DAB1: variants seen among roughly 807,000 people sequenced by gnomAD.
The protein encoded by DAB1 is disabled homolog 1.
In DAB1, 15 loss-of-function variants were observed where a neutral mutation model predicts 64.6. The observed-to-expected ratio is 0.23, with a 90% CI of 0.16 to 0.36. The LOEUF (loss-of-function observed/expected upper bound fraction) is 0.36. Among genes scored for constraint, DAB1 ranks in the 10% least tolerant of loss-of-function variants. The pLI is 1.00. For missense variants in DAB1, 596 were observed against 706.7 expected, an observed-to-expected ratio of 0.84 and a Z score of 1.78; for synonymous variants, 235 against 251.9, an observed-to-expected ratio of 0.93 and a Z score of 0.64.
chr1:58,389,332 G>A (rs1448877403), intron 3 of DAB1, among the ~76,000 whole-genome samples: 1 of 152,174 alleles, frequency 6.6e-6, no homozygotes, highest in Non-Finnish European at 1.5e-5. Flanking sequence ...CAACTACTCA[G>A]GAGACTGAGG....
intron 3 of DAB1, among the ~76,000 whole-genome samples, chr1:57,141,286 C>T (rs28612190): frequency 0.049 from 7,440 of 152,226 alleles, 660 homozygotes; most frequent in African/African-American, 0.17. Flanking sequence ...TCTCCTGAGC[C>T]TCCTTCTCCA....
chr1:57,287,895 A>C (rs975761662), intron 2 of DAB1, among the ~76,000 whole-genome samples: 1 of 152,004 alleles, frequency 6.6e-6, no homozygotes, highest in Non-Finnish European at 1.5e-5. Flanking sequence ...TCCCAGGTTC[A>C]AGCGATTCTC....
chr1:58,163,550 C>T lies in DAB1; in HGVS notation n.310-12962G>A, dbSNP rs141385292. ...CATTTATGTTTGAAAATCTGCTGAA[C>T]TTTGGGTCAGAACAGGGGGAATCTG... On this transcript the variant is annotated intron_variant and non_coding_transcript_variant, in intron 4 of 20. Coordinates refer to the DAB1 transcript ENST00000485760. 1.9e-3 allele frequency among the ~76,000 whole-genome samples: 286 copies of T among 152,278 alleles called. 1 individual carries two copies. The highest frequency in any genetic ancestry group is 3.4e-3 in the Non-Finnish European group (232 of 68,026).
intron 6 of DAB1, among the ~76,000 whole-genome samples, chr1:57,820,788 C>T (rs1374444118): frequency 6.6e-6 from 1 of 152,142 alleles, no homozygotes; most frequent in Non-Finnish European, 1.5e-5. Context: ...TAATTTCATC[C>T]TGGTTTAGTC....
intron 11 of DAB1, among the ~76,000 whole-genome samples, chr1:57,018,798 C>A (rs541510010): frequency 6.6e-6 from 1 of 152,202 alleles, no homozygotes. Context: ...CTTGGCTATG[C>A]GTCCTTGGGG....
At chr1:57,625,904 G>A (rs1030419836) in intron 7 of DAB1, among the ~76,000 whole-genome samples, 2 of 152,054 alleles carry the variant, frequency 1.3e-5, no homozygotes. Flanking sequence ...AAACAAAAAA[G>A]CTGGGTCGAA....
chr1:57,391,810 C>CAGAG (rs904474437), intron 1 of DAB1, among the ~76,000 whole-genome samples: 7 of 137,592 alleles, frequency 5.1e-5, no homozygotes, highest in Admixed American at 2.1e-4. Flanking sequence ...CACACACACA[C>CAGAG]ACAGAGAGAG....
chr1:57,340,068 A>T (rs577059633), intron 1 of DAB1, among the ~76,000 whole-genome samples: 1 of 152,312 alleles, frequency 6.6e-6, no homozygotes, highest in East Asian at 1.9e-4. Flanking sequence ...CAGGGAGCAG[A>T]AGCAAAATCT....
chr1:57,984,184 A>AAAGAAAG (rs1553150345), intron 5 of DAB1, among the ~76,000 whole-genome samples: 2 of 50,656 alleles, frequency 3.9e-5, no homozygotes, highest in African/African-American at 5.6e-5. Flanking sequence ...TAGCTTAAAA[A>AAAGAAAG]AAAGAAAGAA....
At chr1:57,728,445 T>A (rs1647274405) in intron 6 of DAB1, among the ~76,000 whole-genome samples, 1 of 151,944 alleles carries the variant, frequency 6.6e-6, no homozygotes, top group Admixed American at 6.6e-5. Context: ...TACAAAAAAA[T>A]TAGCCCAGCG....
chr1:57,025,964 G>C lies in DAB1; in HGVS notation c.786+17C>G. 6.4e-7 allele frequency: 1 copy of C among 1,562,164 alleles called. No homozygotes were observed. The highest frequency in any genetic ancestry group is 8.6e-7 in the Non-Finnish European group (1 of 1,157,286). On this transcript the variant is annotated intron_variant, in intron 10 of 14. Coordinates refer to ENST00000371236, the MANE Select transcript of DAB1 (RefSeq NM_001365792.1). ...AGGAATTCAGAGAGCAGGGTTCAGA[G>C]AGCAATGCATACTTACGGGGGGAGA... is the stretch of plus-strand genomic sequence containing the variant.
chr1:57,200,424 A>G (rs1487971704), intron 2 of DAB1, among the ~76,000 whole-genome samples: 1 of 152,222 alleles, frequency 6.6e-6, no homozygotes, highest in Non-Finnish European at 1.5e-5. Flanking sequence ...TAAGTTCACA[A>G]AGAAATAAAA....
At position 57,570,469 on chromosome 1, in the gene DAB1, G is replaced by A. The variant is rs189575386; in HGVS notation, n.625+79123C>T. On this transcript the variant is annotated intron_variant and non_coding_transcript_variant, in intron 7 of 20. Transcript: ENST00000485760. Reference sequence around the variant, plus strand: ...ACCTTATGTTTTTGCTTGCTTTGTTGAAGATTAGTTGACTGTAAGTATTTG... The same window carrying A: ...ACCTTATGTTTTTGCTTGCTTTGTTAAAGATTAGTTGACTGTAAGTATTTG... Among the ~76,000 whole-genome samples, 14 of 151,918 alleles carry A rather than the reference G, an allele frequency of 9.2e-5. No individual in the cohort carries two copies. In the East Asian group the frequency reaches 2.1e-3, roughly 23 times the overall value.
chr1:57,342,730 T>C (rs1677701213), intron 1 of DAB1, among the ~76,000 whole-genome samples: 1 of 152,272 alleles, frequency 6.6e-6, no homozygotes, highest in Non-Finnish European at 1.5e-5. Context: ...TTCTTCCTTA[T>C]GGTGGGTTCG....
chr1:58,126,440 T>A (rs985567865), intron 5 of DAB1, among the ~76,000 whole-genome samples: 7 of 126,492 alleles, frequency 5.5e-5, no homozygotes, highest in African/African-American at 2.1e-4. Context: ...AAGGGGCCAA[T>A]CTTTTTCTTT....
intron 6 of DAB1, among the ~76,000 whole-genome samples, chr1:57,727,006 T>G (rs1647221265): frequency 6.6e-6 from 1 of 152,122 alleles, no homozygotes; most frequent in Non-Finnish European, 1.5e-5. Context: ...CAGTTGAGTG[T>G]GAATTTATGA....
chr1:58,515,171 C>T (rs1157031013), intron 2 of DAB1, among the ~76,000 whole-genome samples: 10 of 152,112 alleles, frequency 6.6e-5, no homozygotes, highest in Admixed American at 6.5e-4. Flanking sequence ...ATTCTCTAAA[C>T]AACATTTTTC....
At chr1:58,287,482 G>C (rs1353241170) in intron 4 of DAB1, among the ~76,000 whole-genome samples, 1 of 152,110 alleles carries the variant, frequency 6.6e-6, no homozygotes, top group African/African-American at 2.4e-5. Flanking sequence ...CCTTGGGCTG[G>C]ATGCATGAGA....
chr1:57,694,955 C>T (rs1646806384), intron 6 of DAB1, among the ~76,000 whole-genome samples: 1 of 152,034 alleles, frequency 6.6e-6, no homozygotes, highest in African/African-American at 2.4e-5. Flanking sequence ...TAAAAAAAAT[C>T]CCTTAATTCC....
Sources: allele counts gnomAD v4.1 joint callset (sites outside exome capture counted in the v4.1 genomes callset), GRCh38; gene constraint gnomAD v4.1.1; transcripts MANE v1.5; gene names NCBI Gene and HGNC (gene_info 2026-07-23, HGNC 2026-07-21).